Variants in HTT observed in about 807,000 individuals in gnomAD.
HTT encodes huntingtin, also known as huntington disease protein.
In HTT, 104 loss-of-function variants were observed where a neutral mutation model predicts 362.3. The ratio of observed to expected loss-of-function variants is 0.29; its 90% CI spans 0.24 to 0.34. The LOEUF (loss-of-function observed/expected upper bound fraction) is 0.34. Among genes scored for constraint, HTT ranks in the 10% least tolerant of loss-of-function variants. The pLI is 1.00. For synonymous variants in HTT, 1,577 were observed against 1,548.7 expected, an observed-to-expected ratio of 1.02 and a Z score of -0.43; for missense variants, 3,301 against 3,928.6, an observed-to-expected ratio of 0.84 and a Z score of 4.27.
chr4:3,135,891 G>A lies in HTT; in HGVS notation c.2634-13G>A, dbSNP rs1448108897. The A allele has an allele frequency of 6.3e-7, 1 of 1,590,852 alleles. No individual in the cohort carries two copies. The highest frequency in any genetic ancestry group is 8.5e-7 in the Non-Finnish European group (1 of 1,170,900). ...ACTAAATGATTTCATTGTTAAATGT[G>A]CTCTTTTGTTAGGCTGGTGAGCTTT... On this transcript the variant is annotated splice_polypyrimidine_tract_variant and intron_variant, in intron 19 of 66. Coordinates refer to ENST00000355072, the MANE Select transcript of HTT (RefSeq NM_001388492.1).
intron 37 of HTT, among the ~76,000 whole-genome samples, chr4:3,183,082 G>C (rs1440140985): frequency 6.6e-6 from 1 of 152,196 alleles, no homozygotes; most frequent in African/African-American, 2.4e-5. Flanking sequence ...AGGTCTCGCT[G>C]TGTTGCCCAG....
intron 18 of HTT, among the ~76,000 whole-genome samples, chr4:3,134,091 G>A (rs1235281865): frequency 6.6e-6 from 1 of 152,108 alleles, no homozygotes; most frequent in Non-Finnish European, 1.5e-5. Context: ...GGGGCTGTGC[G>A]GCAGGCCCCT....
chr4:3,233,642 A>G (rs1294417075), intron 61 of HTT, among the ~76,000 whole-genome samples: 3 of 152,202 alleles, frequency 2.0e-5, no homozygotes, highest in Admixed American at 6.5e-5. Flanking sequence ...TCTCGAGGCC[A>G]TCGGCTCTCA....
chr4:3,238,783 G>T (rs368386330), intron 65 of HTT, 35 bp from the exon 66 acceptor site: 42 of 1,350,414 alleles, frequency 3.1e-5, no homozygotes, highest in Non-Finnish European at 4.2e-5. Context: ...CGTCCCCCCA[G>T]CCCTGACACT....
Position 3,238,513 on chromosome 4 carries a change from C to G in HTT, c.8958C>G (p.Asp2986Glu). 6.2e-7 allele frequency: 1 copy of G among 1,613,460 alleles called. No individual in the cohort carries two copies. Among genetic ancestry groups the G allele is most frequent in the Non-Finnish European group, 8.5e-7 (1 of 1,179,684 alleles). Residue 2986 changes from aspartate (D) to glutamate (E), a missense_variant, in exon 65 of 67, where the codon GAC (aspartate) becomes GAG (glutamate). Asp to Glu is a conservative substitution (Grantham distance 45). Around this residue, in one of 4 missense-constraint regions of HTT, gnomAD observed 753 missense variants for 1,021.3 expected, o/e 0.74. Transcript: ENST00000355072. ...VARILPQFLD[D>E]FFPPQDIMNK... ...GGATCCTGCCCCAGTTTCTAGACGA[C>G]TTCTTCCCACCCCAGGACATCATGA... is the stretch of plus-strand genomic sequence containing the variant.
chr4:3,180,244 T>G (rs1253035637), intron 35 of HTT, among the ~76,000 whole-genome samples: 1 of 152,224 alleles, frequency 6.6e-6, no homozygotes, highest in Non-Finnish European at 1.5e-5. Context: ...TGAATTTGAG[T>G]CACCTTTTTT....
chr4:3,160,774 G>GTAACAGA (rs1717401859), intron 29 of HTT, among the ~76,000 whole-genome samples: 1 of 152,114 alleles, frequency 6.6e-6, no homozygotes, highest in African/African-American at 2.4e-5. Flanking sequence ...GCCTGAGGAA[G>GTAACAGA]TAACAGAGCT....
intron 33 of HTT, 119 bp from the exon 34 acceptor site, chr4:3,177,213 A>T: frequency 4.2e-6 from 3 of 717,856 alleles, no homozygotes; most frequent in East Asian, 2.7e-5. Flanking sequence ...CTTATAGTCA[A>T]ATTTATCAGC....
chr4:3,142,417 T>C (rs1716395034), intron 22 of HTT, among the ~76,000 whole-genome samples: 1 of 152,164 alleles, frequency 6.6e-6, no homozygotes, highest in African/African-American at 2.4e-5. Flanking sequence ...ATGAAGGGAA[T>C]GCAAAAAAGT....
At chr4:3,239,061 T>C in intron 66 of HTT, 83 bp downstream of exon 66, 1 of 1,407,768 alleles carries the variant, frequency 7.1e-7, no homozygotes, top group Non-Finnish European at 9.5e-7. Context: ...TTTTGAAACC[T>C]AACCTTTGCA....
chr4:3,174,988 A>G lies in HTT; in HGVS notation c.4288A>G (p.Ile1430Val). 1 of 1,609,166 alleles carries G rather than the reference A, an allele frequency of 6.2e-7. No individual in the cohort carries two copies. Among genetic ancestry groups the G allele is most frequent in the Non-Finnish European group, 8.5e-7 (1 of 1,176,448 alleles). The change falls in exon 33 of 67, where the codon ATA becomes GTA. Residue 1430 changes from isoleucine to valine, a missense_variant. Around this residue, in one of 4 missense-constraint regions of HTT, gnomAD observed 2,316 missense variants for 2,658.5 expected, o/e 0.87. Coordinates refer to ENST00000355072, the MANE Select transcript of HTT (RefSeq NM_001388492.1). The part of the protein sequence containing the change: ...NHIRLFEPLV[I>V]KALKQYTTTT... ...CATTCGTTTGTTTGAACCTCTTGTT[A>G]TAAAAGCTTTAAAACAGTACACGAC...
intron 51 of HTT, among the ~76,000 whole-genome samples, chr4:3,215,954 C>G (rs1319021006): frequency 2.0e-5 from 3 of 152,276 alleles, no homozygotes; most frequent in Admixed American, 2.0e-4. Context: ...GCCCCTGTTG[C>G]CTGTCCCACA....
At chr4:3,227,110 C>T (rs1560602911) in intron 57 of HTT, among the ~76,000 whole-genome samples, 1 of 152,204 alleles carries the variant, frequency 6.6e-6, no homozygotes, top group South Asian at 2.1e-4. Flanking sequence ...ATTCCCTATC[C>T]CCCCAACCCC....
At position 3,146,894 on chromosome 4, in the gene HTT, T is replaced by G. The variant is rs751565846; in HGVS notation, c.3241T>G (p.Leu1081Val). The G allele has an allele frequency of 2.5e-6, 4 of 1,614,186 alleles. No individual in the cohort carries two copies. The East Asian group carries it at 8.9e-5, about 36-fold the overall frequency. The change falls in exon 25 of 67, where the codon TTG becomes GTG. Residue 1081 changes from leucine to valine, a missense_variant. Coordinates refer to ENST00000355072, the MANE Select transcript of HTT (RefSeq NM_001388492.1). ...LTLLSSAWFP[L>V]DLSAHQDALI... The stretch of plus-strand genomic sequence containing the variant: ...CCTGCTCTCGTCAGCTTGGTTCCCA[T>G]TGGATCTCTCAGCCCATCAAGATGC...
Position 3,148,071 on chromosome 4 carries a change from A to G in HTT, c.3362A>G (p.Lys1121Arg), listed in dbSNP as rs761614790. ...GAAGAAGCCAACCCAGCAGCCACCA[A>G]GCAAGAGGAGGTCTGGCCAGCCCTG... ...SEEEANPAAT[K>R]QEEVWPALGD... is the part of the protein sequence containing the mutation. Residue 1121 changes from lysine to arginine, a missense_variant, in exon 26 of 67, where the codon AAG (lysine) becomes AGG (arginine). This residue lies in a region of HTT where 2,316 missense variants were observed against 2,658.5 expected (regional missense o/e 0.87). Transcript: ENST00000355072. 6.2e-7 allele frequency: 1 copy of G among 1,614,200 alleles called. No homozygotes were observed. The highest frequency in any genetic ancestry group is 8.5e-7 in the Non-Finnish European group (1 of 1,180,026).
chr4:3,149,539 C>G (rs568677946), intron 26 of HTT, among the ~76,000 whole-genome samples: 19 of 152,126 alleles, frequency 1.2e-4, no homozygotes, highest in African/African-American at 4.3e-4. Context: ...AACTCCTGAC[C>G]TGAAGTGATC....
chr4:3,191,179 C>CT lies in HTT; in HGVS notation c.5368+2097dup, dbSNP rs111880819. ...GCTTTCTTTCTTTCTTTCTTTCTTT[C>CT]TTTTTTTTTTTGAGACAGAGTTTCA... On this transcript the variant is annotated intron_variant, in intron 40 of 66. Transcript: ENST00000355072. Among the ~76,000 whole-genome samples, 266 of 120,394 alleles carry CT rather than the reference C, an allele frequency of 2.2e-3. 1 individual carries two copies. The highest frequency in any genetic ancestry group is 6.8e-3 in the African/African-American group (258 of 38,164). 79.0% of individuals were successfully genotyped at this position (120,394 alleles called of 152,430 possible).
intron 38 of HTT, among the ~76,000 whole-genome samples, chr4:3,187,072 G>T (rs921237770): frequency 2.0e-5 from 3 of 151,572 alleles, no homozygotes; most frequent in Non-Finnish European, 4.4e-5. Context: ...TGTTAGCCAG[G>T]ATGGTCTTGA....
At chr4:3,155,186 G>A (rs547604084) in intron 27 of HTT, among the ~76,000 whole-genome samples, 1 of 151,772 alleles carries the variant, frequency 6.6e-6, no homozygotes, top group African/African-American at 2.4e-5. Flanking sequence ...TGTGTATATA[G>A]CATTTATATC....
Sources: allele counts gnomAD v4.1 joint callset (sites outside exome capture counted in the v4.1 genomes callset), GRCh38; gene constraint gnomAD v4.1.1; regional missense constraint gnomAD v4.1.1; transcripts MANE v1.5; gene names NCBI Gene and HGNC (gene_info 2026-07-23, HGNC 2026-07-21).